NUAK1: variants seen among roughly 807,000 people sequenced by gnomAD.
NUAK1 encodes NUAK family kinase 1.
NUAK1 carries 26 observed loss-of-function variants against 56.9 expected under a neutral mutation model. The observed-to-expected ratio is 0.46, with a 90% CI of 0.33 to 0.63. The LOEUF (loss-of-function observed/expected upper bound fraction) is 0.63, where lower values mean the gene tolerates loss of function less well. Among genes scored for constraint, NUAK1 ranks in the 30% least tolerant of loss-of-function variants. The pLI is 0.02. For synonymous variants in NUAK1, 337 were observed against 336.0 expected (o/e 1.00, Z -0.03); for missense variants, 727 against 876.1 (o/e 0.83, Z 2.15).
chr12:106,136,878 C>T (rs1049722793), intron 1 of NUAK1, among the ~76,000 whole-genome samples: 1 of 152,152 alleles, frequency 6.6e-6, no homozygotes, highest in African/African-American at 2.4e-5. Flanking sequence ...TCTTCTTCCA[C>T]AAACCTGAAA....
intron 1 of NUAK1, among the ~76,000 whole-genome samples, chr12:106,133,627 T>C (rs1445557326): frequency 1.3e-5 from 2 of 152,220 alleles, no homozygotes; most frequent in Non-Finnish European, 2.9e-5. Context: ...CTGTGAAAGT[T>C]AAGTGAGGGA....
Position 106,138,812 on chromosome 12 carries a change from G to T in NUAK1, c.-159C>A. 1 of 1,049,812 alleles carries T rather than the reference G, an allele frequency of 9.5e-7. No homozygotes were observed. Among genetic ancestry groups the T allele is most frequent in the Non-Finnish European group, 1.3e-6 (1 of 789,182 alleles). The allele number at this position is 1,049,812 out of a possible 1,614,324, so 65.0% of individuals were successfully genotyped here. On this transcript the variant is annotated 5_prime_UTR_variant, in exon 1 of 7. Coordinates refer to ENST00000261402, the MANE Select transcript of NUAK1 (RefSeq NM_014840.3). This position sits in a 1 kb window ranked among gnomAD's most constrained non-coding sequence, Gnocchi z 5.0. ...CTCGGACTGCGGCTCGGTCACTGGC[G>T]GCGGCGGGGACTGCACATCTGGCGC...
chr12:106,080,366 C>T, intron 4 of NUAK1, among the ~76,000 whole-genome samples: 1 of 152,204 alleles, frequency 6.6e-6, no homozygotes, highest in East Asian at 1.9e-4. Flanking sequence ...GACATTTTTA[C>T]AGGAGCCTTC....
intron 1 of NUAK1, among the ~76,000 whole-genome samples, chr12:106,122,606 C>T (rs1387611851): frequency 1.3e-5 from 2 of 152,168 alleles, no homozygotes; most frequent in African/African-American, 4.8e-5. Flanking sequence ...CCATTTATCA[C>T]AAGAGAAGGT....
chr12:106,071,573 C>T (rs2032407132), intron 5 of NUAK1, among the ~76,000 whole-genome samples: 1 of 152,234 alleles, frequency 6.6e-6, no homozygotes. Flanking sequence ...AAGTCAGAAA[C>T]CAAACTTTTA....
intron 4 of NUAK1, among the ~76,000 whole-genome samples, chr12:106,078,759 A>G (rs201955448): frequency 6.6e-6 from 1 of 152,318 alleles, no homozygotes; most frequent in African/African-American, 2.4e-5. Context: ...AGGCTCTTAA[A>G]AGAGGGCGCG....
intron 2 of NUAK1, among the ~76,000 whole-genome samples, chr12:106,090,516 A>C (rs1457310623): frequency 6.6e-6 from 1 of 152,170 alleles, no homozygotes; most frequent in African/African-American, 2.4e-5. Context: ...CATTTTACAG[A>C]TGAGAACACC....
chr12:106,135,748 T>C (rs2033123406), intron 1 of NUAK1, among the ~76,000 whole-genome samples: 1 of 152,236 alleles, frequency 6.6e-6, no homozygotes, highest in African/African-American at 2.4e-5. Context: ...ATAGTGCCCT[T>C]TCAGTTCTCC....
At position 106,083,948 on chromosome 12, in the gene NUAK1, G is replaced by A; in HGVS notation, c.514-19C>T. 2 of 1,610,616 alleles carry A rather than the reference G, an allele frequency of 1.2e-6. No individual in the cohort carries two copies. Among genetic ancestry groups the A allele is most frequent in the Non-Finnish European group, 1.7e-6 (2 of 1,176,740 alleles). On this transcript the variant is annotated intron_variant, in intron 3 of 6. Coordinates refer to ENST00000261402, the MANE Select transcript of NUAK1 (RefSeq NM_014840.3). ...CACCGTTCTGAAATGAGAAGACAAA[G>A]AGGGAATTGAATGGGAGCGGCTGGG...
intron 1 of NUAK1, among the ~76,000 whole-genome samples, chr12:106,106,779 T>G (rs796076020): frequency 3.2e-4 from 48 of 152,316 alleles, no homozygotes; most frequent in African/African-American, 1.1e-3. Flanking sequence ...TTTTGTTTTG[T>G]TTTTGTTTTT....
At chr12:106,098,448 TGA>T (rs2032715555) in intron 2 of NUAK1, among the ~76,000 whole-genome samples, 1 of 152,188 alleles carries the variant, frequency 6.6e-6, no homozygotes, top group South Asian at 2.1e-4. Flanking sequence ...TTCCAACGGA[TGA>T]GAGATCACAG....
intron 1 of NUAK1, among the ~76,000 whole-genome samples, chr12:106,121,132 C>T (rs1469476601): frequency 2.0e-5 from 3 of 152,152 alleles, no homozygotes; most frequent in Non-Finnish European, 2.9e-5. Context: ...GAACCCACAG[C>T]GGGGTCAGGC....
intron 4 of NUAK1, 113 bp downstream of exon 4, chr12:106,083,751 G>T: frequency 1.2e-6 from 1 of 842,006 alleles, no homozygotes; most frequent in Non-Finnish European, 2.0e-6. Flanking sequence ...CCACCAGCCT[G>T]CCAGGTAGGA....
rs1488532321 is a variant in NUAK1, at chr12:106,072,749, T to C, written c.674A>G (p.Asn225Ser). 3.1e-6 allele frequency: 5 copies of C among 1,613,086 alleles called. No individual in the cohort carries two copies. The highest frequency in any genetic ancestry group is 2.2e-5 in the East Asian group (1 of 44,872). Residue 225 changes from asparagine (N) to serine (S), a missense_variant, in exon 5 of 7, where the codon AAT becomes AGT. Asn to Ser is a conservative substitution (Grantham distance 46, BLOSUM62 1). Transcript: ENST00000261402. ...SPLYASPEIV[N>S]GRPYRGPEVD... is the part of the protein sequence containing the mutation. ...CTCTGGCCCTCGGTAAGGTCTCCCATTGACAATCTCAGGAGATGCATAGAG... is the reference window on the plus strand; with the variant it reads ...CTCTGGCCCTCGGTAAGGTCTCCCACTGACAATCTCAGGAGATGCATAGAG...
intron 2 of NUAK1, among the ~76,000 whole-genome samples, chr12:106,095,029 G>A (rs917590840): frequency 6.6e-6 from 1 of 152,052 alleles, no homozygotes; most frequent in African/African-American, 2.4e-5. Context: ...GGTGGAAACG[G>A]GCGCTATCAG....
chr12:106,074,571 T>C (rs767951115), intron 4 of NUAK1, among the ~76,000 whole-genome samples: 2 of 152,130 alleles, frequency 1.3e-5, no homozygotes, highest in Non-Finnish European at 2.9e-5. Flanking sequence ...ACCCTGTCCC[T>C]GGGTCACCTG....
chr12:106,113,503 T>C (rs753369194), intron 1 of NUAK1, among the ~76,000 whole-genome samples: 22 of 151,866 alleles, frequency 1.4e-4, no homozygotes, highest in Non-Finnish European at 2.1e-4. Flanking sequence ...AGCTAGTGAA[T>C]GAAGGTGGCA....
chr12:106,070,977 A>G, intron 5 of NUAK1, 71 bp from the exon 6 acceptor site: 1 of 1,564,200 alleles, frequency 6.4e-7, no homozygotes, highest in South Asian at 1.1e-5. Flanking sequence ...AACCATTAGC[A>G]TCATAGCCTG....
At position 106,066,438 on chromosome 12, in the gene NUAK1, C is replaced by T. The variant is rs537503788; in HGVS notation, c.*364G>A. On this transcript the variant is annotated 3_prime_UTR_variant, in exon 7 of 7. Transcript: ENST00000261402. ...CCCAAGGCAAACAGCCCAAGTGTCTCCTGCCCCTCCTCCAGAAGCATCTGG... is the reference window on the plus strand; with the variant it reads ...CCCAAGGCAAACAGCCCAAGTGTCTTCTGCCCCTCCTCCAGAAGCATCTGG... The T allele has an allele frequency of 8.9e-6, 2 of 225,272 alleles. No homozygotes were observed. The highest frequency in any genetic ancestry group is 1.9e-4 in the South Asian group (2 of 10,744). 14.0% of individuals were successfully genotyped at this position (225,272 alleles called of 1,614,324 possible).
Sources: allele counts gnomAD v4.1 joint callset (sites outside exome capture counted in the v4.1 genomes callset), GRCh38; gene constraint gnomAD v4.1.1; non-coding constraint Gnocchi (gnomAD v3.1); transcripts MANE v1.5; gene names NCBI Gene and HGNC (gene_info 2026-07-23, HGNC 2026-07-21).